Variants in CATSPERD observed in about 807,000 individuals in gnomAD.
CATSPERD encodes the protein catsper channel auxiliary subunit delta.
A neutral mutation model predicts 98.1 loss-of-function variants in CATSPERD; 86 were observed. The ratio of observed to expected loss-of-function variants is 0.88; its 90% CI spans 0.74 to 1.05. The LOEUF (loss-of-function observed/expected upper bound fraction) is 1.05. Among genes scored for constraint, CATSPERD ranks in the 50% least tolerant of loss-of-function variants. CATSPERD has a pLI of 0.00. For synonymous variants in CATSPERD, 394 were observed against 390.2 expected, an observed-to-expected ratio of 1.01 and a Z score of -0.12; for missense variants, 995 against 1,005.7, an observed-to-expected ratio of 0.99 and a Z score of 0.14.
intron 3 of CATSPERD, 147 bp downstream of exon 3, chr19:5,727,491 G>A (rs1015306299): frequency 1.1e-5 from 7 of 630,984 alleles, no homozygotes; most frequent in Non-Finnish European, 1.4e-5. Flanking sequence ...GTCAGGGGCT[G>A]GAATTGGAGG....
chr19:5,737,433 G>A (rs1456834207), intron 6 of CATSPERD, among the ~76,000 whole-genome samples: 1 of 150,998 alleles, frequency 6.6e-6, no homozygotes, highest in Non-Finnish European at 1.5e-5. Context: ...GTGGTGACAT[G>A]TGCCTGTAGT....
intron 1 of CATSPERD, 145 bp downstream of exon 1, chr19:5,720,953 C>G (rs539971539): frequency 6.4e-6 from 4 of 620,378 alleles, no homozygotes; most frequent in African/African-American, 3.7e-5. Flanking sequence ...CCTCGCTCAC[C>G]CTACTCCACC....
At position 5,725,370 on chromosome 19, in the gene CATSPERD, C is replaced by T. The variant is rs550570361; in HGVS notation, c.126+508C>T. 5.3e-5 allele frequency among the ~76,000 whole-genome samples: 8 copies of T among 152,164 alleles called. 1 individual carries two copies. The highest frequency in any genetic ancestry group is 6.8e-3 in the Middle Eastern group (2 of 294). Reference sequence around the variant, plus strand: ...TTTGCCATGTTGCCCAGGCTGGTCTCGAGCTCCTGGACTTAAGTAACCTAC... The same window carrying T: ...TTTGCCATGTTGCCCAGGCTGGTCTTGAGCTCCTGGACTTAAGTAACCTAC... On this transcript the variant is annotated intron_variant, in intron 2 of 21. Coordinates refer to ENST00000381624, the MANE Select transcript of CATSPERD (RefSeq NM_152784.4).
Position 5,763,245 on chromosome 19 carries a change from T to C in CATSPERD, c.1458T>C (p.Thr486=). Reference sequence around the variant, plus strand: ...AGAAAGCCACCATGTCTACCTTAACTGTGGACATAGCAAACAAGGAAATTT... The same window carrying C: ...AGAAAGCCACCATGTCTACCTTAACCGTGGACATAGCAAACAAGGAAATTT... ...SLKKATMSTL[T]VDIANKEISC... Residue 486 remains threonine (T), a synonymous_variant, in exon 16 of 22, where the codon ACT becomes ACC. Coordinates refer to ENST00000381624, the MANE Select transcript of CATSPERD (RefSeq NM_152784.4). 6.2e-7 allele frequency: 1 copy of C among 1,614,120 alleles called. No individual in the cohort carries two copies. Among genetic ancestry groups the C allele is most frequent in the Non-Finnish European group, 8.5e-7 (1 of 1,180,004 alleles).
chr19:5,730,267 C>T (rs1038302236), intron 4 of CATSPERD, among the ~76,000 whole-genome samples: 2 of 151,946 alleles, frequency 1.3e-5, no homozygotes, highest in Admixed American at 6.6e-5. Context: ...CTCCCTTGGT[C>T]AGGTAAGTGG....
rs753614172 is a variant in CATSPERD, at chr19:5,763,948, A to T, written c.1506+655A>T. Among the ~76,000 whole-genome samples, 8 of 145,692 alleles carry T rather than the reference A, an allele frequency of 5.5e-5. No individual in the cohort carries two copies. The East Asian group carries it at 1.6e-3, about 29-fold the overall frequency. Reference sequence around the variant, plus strand: ...TTGTAACCTCCATCTCCCGGATTCAAGCAATTCTCCTAACCTCAGCCTCCC... The same window carrying T: ...TTGTAACCTCCATCTCCCGGATTCATGCAATTCTCCTAACCTCAGCCTCCC... On this transcript the variant is annotated intron_variant, in intron 16 of 21. Transcript: ENST00000381624.
chr19:5,776,956 A>G (rs1007719435), intron 21 of CATSPERD, among the ~76,000 whole-genome samples: 12 of 152,072 alleles, frequency 7.9e-5, no homozygotes, highest in Admixed American at 1.3e-4. Context: ...CAGTGGAAAT[A>G]TTTACACTAC....
chr19:5,732,304 G>C (rs2055741601), intron 4 of CATSPERD, among the ~76,000 whole-genome samples: 1 of 151,810 alleles, frequency 6.6e-6, no homozygotes, highest in African/African-American at 2.4e-5. Flanking sequence ...AGAGGAGATG[G>C]AATGAATTGA....
intron 7 of CATSPERD, among the ~76,000 whole-genome samples, chr19:5,740,629 T>C (rs2145733175): frequency 6.7e-6 from 1 of 150,264 alleles, no homozygotes; most frequent in Middle Eastern, 3.4e-3. Context: ...TGGCTGGGTG[T>C]ATTGGCGGAC....
intron 20 of CATSPERD, among the ~76,000 whole-genome samples, chr19:5,775,503 G>C (rs2056724968): frequency 6.7e-6 from 1 of 148,194 alleles, no homozygotes; most frequent in South Asian, 2.1e-4. Flanking sequence ...AAAAAAATTT[G>C]CTGGCCACGG....
At chr19:5,738,267 C>T (rs763822500) in intron 6 of CATSPERD, among the ~76,000 whole-genome samples, 58 of 149,382 alleles carry the variant, frequency 3.9e-4, no homozygotes, top group Non-Finnish European at 6.6e-4. Context: ...ATTAGCCAGG[C>T]GTGCTGGCAG....
chr19:5,753,611 G>T, intron 12 of CATSPERD: 1 of 406,384 alleles, frequency 2.5e-6, no homozygotes, highest in South Asian at 1.8e-5. Context: ...GCTCACAACT[G>T]TAACCTCAAG....
Position 5,778,580 on chromosome 19 carries a change from G to A in CATSPERD, c.2301G>A (p.Lys767=). 6.2e-7 allele frequency: 1 copy of A among 1,613,870 alleles called. No homozygotes were observed. The highest frequency in any genetic ancestry group is 8.5e-7 in the Non-Finnish European group (1 of 1,180,032). The change falls in exon 22 of 22, where the codon AAG becomes AAA. Residue 767 remains lysine, a synonymous_variant. Coordinates refer to ENST00000381624, the MANE Select transcript of CATSPERD (RefSeq NM_152784.4). ...CGACACAGCTGTGTAGGAGATGCAA[G>A]ACGGTCTGCCAGTTCAGGGCCTCAG... ...KCATQLCRRC[K]TVCQFRASAT...
intron 4 of CATSPERD, among the ~76,000 whole-genome samples, chr19:5,731,147 G>C (rs986460855): frequency 6.6e-6 from 1 of 151,002 alleles, no homozygotes; most frequent in African/African-American, 2.4e-5. Context: ...CACACCCTTA[G>C]TGAATATTTG....
At chr19:5,747,758 C>T (rs1475717284) in intron 9 of CATSPERD, among the ~76,000 whole-genome samples, 3 of 151,792 alleles carry the variant, frequency 2.0e-5, no homozygotes, top group East Asian at 1.9e-4. Flanking sequence ...ATTACAGGTG[C>T]GTGCAACCAT....
intron 13 of CATSPERD, among the ~76,000 whole-genome samples, chr19:5,756,161 A>G (rs2056320674): frequency 6.6e-6 from 1 of 151,760 alleles, no homozygotes; most frequent in Non-Finnish European, 1.5e-5. Context: ...CATGCCTGTA[A>G]TCCCCGCTAC....
At chr19:5,723,140 T>A (rs1240630276) in intron 1 of CATSPERD, among the ~76,000 whole-genome samples, 1 of 144,266 alleles carries the variant, frequency 6.9e-6, no homozygotes, top group Non-Finnish European at 1.5e-5. Context: ...TGAGCTGAGA[T>A]CGCGCCACTG....
intron 18 of CATSPERD, among the ~76,000 whole-genome samples, chr19:5,770,368 T>C (rs557944961): frequency 6.7e-6 from 1 of 149,226 alleles, no homozygotes; most frequent in South Asian, 2.1e-4. Flanking sequence ...AGAGAGAGGT[T>C]GCAGTGAGCT....
At chr19:5,722,155 C>T (rs1253674509) in intron 1 of CATSPERD, among the ~76,000 whole-genome samples, 2 of 151,846 alleles carry the variant, frequency 1.3e-5, no homozygotes, top group Non-Finnish European at 2.9e-5. Context: ...GAGTCTTGTT[C>T]TCGTCGCCCA....
Sources: gnomAD v4.1 joint callset for allele counts (sites outside exome capture counted in the v4.1 genomes callset) on GRCh38, gnomAD v4.1.1 for gene constraint, MANE v1.5 for transcripts, NCBI Gene and HGNC (gene_info 2026-07-23, HGNC 2026-07-21) for gene names.